Variants in NLGN1 observed in about 807,000 individuals in gnomAD.
The protein encoded by NLGN1 is neuroligin-1.
In NLGN1, 12 loss-of-function variants were observed where a neutral mutation model predicts 65.5. The observed-to-expected ratio is 0.18, with a 90% CI of 0.12 to 0.30. The LOEUF (loss-of-function observed/expected upper bound fraction) is 0.30. Among genes scored for constraint, NLGN1 ranks in the 10% least tolerant of loss-of-function variants. NLGN1 has a pLI of 1.00. For synonymous variants in NLGN1, 350 were observed against 359.5 expected (o/e 0.97, Z 0.30); for missense variants, 750 against 1,007.1 (o/e 0.74, Z 3.46).
chr3:173,758,910 C>T lies in NLGN1; in HGVS notation c.494-48770C>T, dbSNP rs187279028. On this transcript the variant is annotated intron_variant, in intron 3 of 6. Transcript: ENST00000457714. Reference sequence around the variant, plus strand: ...ATTGCTTTAGAAAGAGCTGTAGATTCTCTCCTGTGGATCTCACACTGGGAG... The same window carrying T: ...ATTGCTTTAGAAAGAGCTGTAGATTTTCTCCTGTGGATCTCACACTGGGAG... Among the ~76,000 whole-genome samples the T allele has an allele frequency of 2.5e-3, 377 of 152,070 alleles. 2 individuals carry two copies. The highest frequency in any genetic ancestry group is 8.7e-3 in the African/African-American group (362 of 41,526).
intron 4 of NLGN1, among the ~76,000 whole-genome samples, chr3:173,848,852 A>C (rs569498190): frequency 6.6e-6 from 1 of 152,310 alleles, no homozygotes; most frequent in African/African-American, 2.4e-5. Flanking sequence ...TTACAAAATT[A>C]AATAGGATAT....
intron 4 of NLGN1, among the ~76,000 whole-genome samples, chr3:173,974,016 T>C (rs1579509897): frequency 6.6e-6 from 1 of 152,120 alleles, no homozygotes; most frequent in South Asian, 2.1e-4. Context: ...AACAGCCAGC[T>C]AACAGAATTA....
At chr3:174,237,800 G>C (rs563919734) in intron 4 of NLGN1, among the ~76,000 whole-genome samples, 242 of 152,158 alleles carry the variant, frequency 1.6e-3, no homozygotes, top group African/African-American at 5.7e-3. Flanking sequence ...CAAATGATCT[G>C]CCTGCTTCAG....
chr3:173,569,580 A>G (rs1207936577), intron 2 of NLGN1, among the ~76,000 whole-genome samples: 3 of 122,442 alleles, frequency 2.5e-5, no homozygotes, highest in Non-Finnish European at 5.2e-5. Flanking sequence ...TTTTCTCATC[A>G]TGGTTTCTTT....
intron 2 of NLGN1, among the ~76,000 whole-genome samples, chr3:173,478,335 A>T (rs1474749648): frequency 6.6e-6 from 1 of 152,076 alleles, no homozygotes; most frequent in African/African-American, 2.4e-5. Flanking sequence ...TCTCCCTTAT[A>T]AGTAGGGGCT....
intron 2 of NLGN1, among the ~76,000 whole-genome samples, chr3:173,530,628 G>C (rs925531045): frequency 6.6e-6 from 1 of 152,106 alleles, no homozygotes; most frequent in Non-Finnish European, 1.5e-5. Context: ...TGTTGGCGTT[G>C]GTCTTCTATC....
chr3:174,091,916 C>G (rs1193740719), intron 4 of NLGN1, among the ~76,000 whole-genome samples: 1 of 152,086 alleles, frequency 6.6e-6, no homozygotes, highest in Admixed American at 6.6e-5. Context: ...AGCAATCAAT[C>G]AAATCTATTT....
intron 4 of NLGN1, among the ~76,000 whole-genome samples, chr3:173,935,194 G>GT (rs1332658014): frequency 6.6e-6 from 1 of 151,768 alleles, no homozygotes; most frequent in African/African-American, 2.4e-5. Context: ...ATCCAACCTG[G>GT]TTTTTTAGCA....
rs370120901 is a variant in NLGN1, at chr3:174,106,933, G to A, written c.647-168382G>A. ...GATGGCTACATACATTAGTGAGGGT[G>A]GATCTTCTACTCGATCTATTGATTC... On this transcript the variant is annotated intron_variant, in intron 4 of 6. Coordinates refer to ENST00000457714, the Ensembl canonical transcript of NLGN1. Among the ~76,000 whole-genome samples, 93 of 150,814 alleles carry A rather than the reference G, an allele frequency of 6.2e-4. No homozygotes were observed. The South Asian group carries it at 0.018, about 30-fold the overall frequency.
chr3:173,966,598 A>G (rs1714921418), intron 4 of NLGN1, among the ~76,000 whole-genome samples: 1 of 152,176 alleles, frequency 6.6e-6, no homozygotes, highest in African/African-American at 2.4e-5. Flanking sequence ...CATTTCTTAC[A>G]CTGACTCCAT....
At chr3:173,408,721 G>A (rs1048357608) in intron 1 of NLGN1, among the ~76,000 whole-genome samples, 1 of 152,078 alleles carries the variant, frequency 6.6e-6, no homozygotes, top group African/African-American at 2.4e-5. Context: ...GACCTTCCTG[G>A]CTAATACGGT....
chr3:174,172,129 T>G (rs1728658749), intron 4 of NLGN1, among the ~76,000 whole-genome samples: 1 of 152,032 alleles, frequency 6.6e-6, no homozygotes, highest in Admixed American at 6.6e-5. Flanking sequence ...TTAATTTGTA[T>G]GGGTTTTTAA....
intron 4 of NLGN1, among the ~76,000 whole-genome samples, chr3:174,071,873 A>G (rs1240229710): frequency 1.3e-5 from 2 of 152,176 alleles, no homozygotes; most frequent in Admixed American, 6.5e-5. Flanking sequence ...CCAAGAATAT[A>G]GAGACAATGG....
chr3:173,941,904 A>G (rs986206252), intron 4 of NLGN1, among the ~76,000 whole-genome samples: 1 of 151,712 alleles, frequency 6.6e-6, no homozygotes, highest in Non-Finnish European at 1.5e-5. Context: ...CCATAAATAC[A>G]TGTCCATTAT....
intron 3 of NLGN1, among the ~76,000 whole-genome samples, chr3:173,646,054 C>T (rs1415237209): frequency 6.6e-6 from 1 of 152,146 alleles, no homozygotes; most frequent in Non-Finnish European, 1.5e-5. Flanking sequence ...TGGCTCTGCC[C>T]CCTATTCCCT....
chr3:173,576,335 G>T lies in NLGN1; in HGVS notation c.-320-27944G>T, dbSNP rs375006055. 1.1e-4 allele frequency among the ~76,000 whole-genome samples: 17 copies of T among 151,864 alleles called. 1 individual carries two copies. The highest frequency in any genetic ancestry group is 2.0e-4 in the Admixed American group (3 of 15,262). On this transcript the variant is annotated intron_variant, in intron 2 of 6. Transcript: ENST00000457714. Reference sequence around the variant, plus strand: ...TAAATAAGTGTATTAGTTTTCTATTGTAGCTATAACAAATTCCCACAAATT... The same window carrying T: ...TAAATAAGTGTATTAGTTTTCTATTTTAGCTATAACAAATTCCCACAAATT...
chr3:173,947,794 A>C (rs1747471084), intron 4 of NLGN1, among the ~76,000 whole-genome samples: 1 of 152,252 alleles, frequency 6.6e-6, no homozygotes, highest in Non-Finnish European at 1.5e-5. Flanking sequence ...TCAAATGCCA[A>C]TATCCCTTTT....
rs556728845 is a variant in NLGN1, at chr3:174,069,045, A to G, written c.647-206270A>G. On this transcript the variant is annotated intron_variant, in intron 4 of 6. Transcript: ENST00000457714. ...TCTGTGTGGTGGACTTAAGGAGGAT[A>G]ACAGAGTTTCAAAGGCAGGGGTCAT... Among the ~76,000 whole-genome samples, 13 of 152,256 alleles carry G rather than the reference A, an allele frequency of 8.5e-5. No homozygotes were observed. In the East Asian group the frequency reaches 2.5e-3, roughly 29 times the overall value.
intron 3 of NLGN1, among the ~76,000 whole-genome samples, chr3:173,708,188 A>C (rs1440470917): frequency 6.6e-6 from 1 of 152,232 alleles, no homozygotes; most frequent in Non-Finnish European, 1.5e-5. Flanking sequence ...AAATAGCTAC[A>C]AACTGCCAAA....
Sources: gnomAD v4.1 joint callset for allele counts (sites outside exome capture counted in the v4.1 genomes callset) on GRCh38, gnomAD v4.1.1 for gene constraint, MANE v1.5 for transcripts, NCBI Gene and HGNC (gene_info 2026-07-23, HGNC 2026-07-21) for gene names.